Variants in DDX39A observed in about 807,000 individuals in gnomAD.
DDX39A encodes DExD-box helicase 39A, also known as ATP-dependent RNA helicase DDX39A.
DDX39A carries 13 observed loss-of-function variants against 46.3 expected under a neutral mutation model. The ratio of observed to expected loss-of-function variants is 0.28; its 90% confidence interval spans 0.18 to 0.45. The LOEUF is 0.45. DDX39A is among the 20% of genes least tolerant of loss of function. DDX39A has a pLI of 1.00. For missense variants in DDX39A, 352 were observed against 581.8 expected, an observed-to-expected ratio of 0.61 and a Z score of 4.06; for synonymous variants, 234 against 224.6, an observed-to-expected ratio of 1.04 and a Z score of -0.38.
At chr19:14,418,810 A>C in intron 1 of DDX39A, 2 of 416,814 alleles carry the variant, frequency 4.8e-6, no homozygotes, top group South Asian at 3.4e-5. Flanking sequence ...CGAATCCCGT[A>C]AAAAGTAGAC....
At chr19:14,414,402 C>T (rs1976722913) in intron 1 of DDX39A, among the ~76,000 whole-genome samples, 1 of 148,928 alleles carries the variant, frequency 6.7e-6, no homozygotes, top group African/African-American at 2.4e-5. Flanking sequence ...ACCCAGGCTG[C>T]AGTGCAGTGG....
At chr19:14,418,934 C>G (rs922769620) in intron 1 of DDX39A, 1 of 456,174 alleles carries the variant, frequency 2.2e-6, no homozygotes, top group African/African-American at 2.0e-5. Context: ...GTCACCCCCT[C>G]GTCCCTCTCC....
At position 14,410,400 on chromosome 19, in the gene DDX39A, C is replaced by T; in HGVS notation, c.614-66G>A. On this transcript the variant is annotated intron_variant, in intron 5 of 10. Transcript: ENST00000242776. The surrounding 1 kb of genome is among the most constrained non-coding windows in gnomAD (Gnocchi z 4.3). ...GCCATGCAGGACCCCCACCCCAGAC[C>T]AGACCCAGACCCCTCCCAACCTGTG... 2 of 1,375,542 alleles carry T rather than the reference C, an allele frequency of 1.5e-6. No homozygotes were observed. The highest frequency in any genetic ancestry group is 2.1e-6 in the Non-Finnish European group (2 of 968,590). 85.2% of individuals were successfully genotyped at this position (1,375,542 alleles called of 1,614,324 possible).
rs1189364520 is a variant in DDX39A, at chr19:14,409,018, C to T, written c.1267+19G>A. On this transcript the variant is annotated intron_variant, in intron 10 of 10. Coordinates refer to ENST00000242776, the MANE Select transcript of DDX39A (RefSeq NM_005804.4). This position sits in a 1 kb window ranked among gnomAD's most constrained non-coding sequence, Gnocchi z 8.3. ...GGAACCCTCTGCCCCAGACCCCTGG[C>T]CCTGCCCAAGGCACTTACTGTATGT... 5.6e-6 allele frequency: 9 copies of T among 1,613,960 alleles called. No homozygotes were observed. Among genetic ancestry groups the T allele is most frequent in the Non-Finnish European group, 7.6e-6 (9 of 1,179,980 alleles).
chr19:14,413,670 C>A (rs1001427569), intron 1 of DDX39A, among the ~76,000 whole-genome samples: 1 of 152,230 alleles, frequency 6.6e-6, no homozygotes, highest in Non-Finnish European at 1.5e-5. Context: ...CACACGCAAG[C>A]CTCAGCTCCA....
At chr19:14,415,224 T>C (rs2420543) in intron 1 of DDX39A, among the ~76,000 whole-genome samples, 146,123 of 152,192 alleles carry the variant, frequency 0.96, 70,196 homozygotes, top group East Asian at 1. Context: ...TGAAATCTTA[T>C]AATTTGTGAC....
At position 14,410,177 on chromosome 19, in the gene DDX39A, C is replaced by T; in HGVS notation, c.732+39G>A. On this transcript the variant is annotated intron_variant, in intron 6 of 10. Transcript: ENST00000242776. This position sits in a 1 kb window ranked among gnomAD's most constrained non-coding sequence, Gnocchi z 4.3. ...GTCCTGGGGCCCCAGGCTCCAGGCCCCTGGGGAAGGCCAAAGCTGCCACTC... is the reference window on the plus strand; with the variant it reads ...GTCCTGGGGCCCCAGGCTCCAGGCCTCTGGGGAAGGCCAAAGCTGCCACTC... 6.3e-7 allele frequency: 1 copy of T among 1,589,332 alleles called. No individual in the cohort carries two copies. The highest frequency in any genetic ancestry group is 8.6e-7 in the Non-Finnish European group (1 of 1,158,412).
rs762121715 is a variant in DDX39A, at chr19:14,411,049, T to C, written c.553A>G (p.Ser185Gly). The C allele has an allele frequency of 3.7e-6, 6 of 1,611,936 alleles. No individual in the cohort carries two copies. Among genetic ancestry groups the C allele is most frequent in the Admixed American group, 3.4e-5 (2 of 59,476 alleles). ...ACAAAGTGCTTCACATTCTTTAGGC[T>C]GAAGCTCCTATTCCGCACGAGCGCC... ...ILALVRNRSFSLKNVKHFVLD... is the reference protein window; with the variant it reads ...ILALVRNRSFGLKNVKHFVLD... The change falls in exon 5 of 11, where the codon AGC becomes GGC. Residue 185 changes from serine (S) to glycine (G), a missense_variant. Coordinates refer to ENST00000242776, the MANE Select transcript of DDX39A (RefSeq NM_005804.4). The surrounding 1 kb of genome is among the most constrained non-coding windows in gnomAD (Gnocchi z 4.1).
In DDX39A at chr19:14,413,230, A is replaced by G. The variant is rs1568328370; in HGVS notation, c.-4-6T>C. ...CATCCTGTTCTGCCATGATGCTGAG[A>G]AGAGAGAGAGGCAGGGTCCCGCGAG... On this transcript the variant is annotated splice_region_variant and splice_polypyrimidine_tract_variant and intron_variant, in intron 1 of 10. Coordinates refer to ENST00000242776, the MANE Select transcript of DDX39A (RefSeq NM_005804.4). The G allele has an allele frequency of 2.5e-6, 4 of 1,612,404 alleles. No homozygotes were observed. Among genetic ancestry groups the G allele is most frequent in the East Asian group, 2.2e-5 (1 of 44,864 alleles).
intron 1 of DDX39A, among the ~76,000 whole-genome samples, chr19:14,417,412 G>C (rs1456144047): frequency 2.0e-5 from 3 of 148,800 alleles, no homozygotes; most frequent in Non-Finnish European, 4.4e-5. Flanking sequence ...CTTGAGCCCA[G>C]GAGTTCGAGA....
Position 14,412,583 on chromosome 19 carries a change from T to A in DDX39A, c.304A>T (p.Thr102Ser). 1 of 1,610,274 alleles carries A rather than the reference T, an allele frequency of 6.2e-7. No homozygotes were observed. The highest frequency in any genetic ancestry group is 8.5e-7 in the Non-Finnish European group (1 of 1,179,942). The change falls in exon 3 of 11, where the codon ACC becomes TCC. Residue 102 changes from threonine to serine, a missense_variant. Around this residue, in one of 3 missense-constraint regions of DDX39A, gnomAD observed 301 missense variants for 469.9 expected, o/e 0.64. Transcript: ENST00000242776. This position sits in a 1 kb window ranked among gnomAD's most constrained non-coding sequence, Gnocchi z 4.4. ...TTGACAGGCTCAATCTGCTGTAGGGTGGCCAGCACGAAGACCGCTGTCTTG... is the reference window on the plus strand; with the variant it reads ...TTGACAGGCTCAATCTGCTGTAGGGAGGCCAGCACGAAGACCGCTGTCTTG... ...MGKTAVFVLA[T>S]LQQIEPVNGQ...
At chr19:14,416,558 G>A (rs78634707) in intron 1 of DDX39A, among the ~76,000 whole-genome samples, 2,390 of 152,310 alleles carry the variant, frequency 0.016, 66 homozygotes, top group African/African-American at 0.054. Flanking sequence ...GAAAACAGGA[G>A]CCAAGAAAGG....
Position 14,412,476 on chromosome 19 carries a change from G to A in DDX39A, c.336+75C>T, listed in dbSNP as rs762798578. On this transcript the variant is annotated intron_variant, in intron 3 of 10. Transcript: ENST00000242776. This position sits in a 1 kb window ranked among gnomAD's most constrained non-coding sequence, Gnocchi z 4.4. ...CCCAAAGCACTGGGCTAACAGGTGT[G>A]AGCCACCCCATCCAGCCTACTCTAC... is the stretch of plus-strand genomic sequence containing the variant. The A allele has an allele frequency of 3.2e-6, 5 of 1,543,550 alleles. No individual in the cohort carries two copies. Among genetic ancestry groups the A allele is most frequent in the Non-Finnish European group, 4.4e-6 (5 of 1,148,012 alleles).
At chr19:14,418,120 CAAAAAAAAAAA>C (rs60701169) in intron 1 of DDX39A, among the ~76,000 whole-genome samples, 1 of 52,350 alleles carries the variant, frequency 1.9e-5, no homozygotes, top group Non-Finnish European at 4.0e-5. Context: ...GGCTCTGTCT[CAAAAAAAAAAA>C]AAAAAAAAAA....
chr19:14,410,243 C>T lies in DDX39A; in HGVS notation c.705G>A (p.Arg235=), dbSNP rs1321594844. The change falls in exon 6 of 11, where the codon CGG becomes CGA. Residue 235 remains arginine, a synonymous_variant. Coordinates refer to ENST00000242776, the MANE Select transcript of DDX39A (RefSeq NM_005804.4). The surrounding 1 kb of genome is among the most constrained non-coding windows in gnomAD (Gnocchi z 4.3). ...MFSATLSKDI[R]PVCRKFMQDP... ...CCTGCATGAACTTCCTGCACACAGG[C>T]CGGATGTCCTTGCTCAGGGTGGCGC... 2 of 1,614,156 alleles carry T rather than the reference C, an allele frequency of 1.2e-6. No individual in the cohort carries two copies. The highest frequency in any genetic ancestry group is 1.1e-5 in the South Asian group (1 of 91,084).
At chr19:14,418,866 A>C in intron 1 of DDX39A, 1 of 455,562 alleles carries the variant, frequency 2.2e-6, no homozygotes, top group Admixed American at 2.4e-5. Flanking sequence ...CTCGGACCCA[A>C]AGAAACCCCT....
In DDX39A at chr19:14,409,916, C is replaced by T. The variant is rs755445718; in HGVS notation, c.733-43G>A. On this transcript the variant is annotated intron_variant, in intron 6 of 10. Transcript: ENST00000242776. The surrounding 1 kb of genome is among the most constrained non-coding windows in gnomAD (Gnocchi z 8.3). ...TGGGAGGGGCGGGCAGGGATCACCT[C>T]TGGGCATCTCGCCTGCCCAGAACCT... The T allele has an allele frequency of 6.3e-5, 101 of 1,610,436 alleles. No individual in the cohort carries two copies. The highest frequency in any genetic ancestry group is 1.6e-4 in the Middle Eastern group (1 of 6,084).
At chr19:14,414,358 A>G in intron 1 of DDX39A, among the ~76,000 whole-genome samples, 1 of 144,094 alleles carries the variant, frequency 6.9e-6, no homozygotes, top group Non-Finnish European at 1.5e-5. Context: ...TATTATTATT[A>G]TTATTATTAT....
chr19:14,410,125 C>T lies in DDX39A; in HGVS notation c.732+91G>A, dbSNP rs1330681122. On this transcript the variant is annotated intron_variant, in intron 6 of 10. Coordinates refer to ENST00000242776, the MANE Select transcript of DDX39A (RefSeq NM_005804.4). The surrounding 1 kb of genome is among the most constrained non-coding windows in gnomAD (Gnocchi z 4.3). ...CCGCCGGCTCCCAGCATCCCAGCAT[C>T]CTCCGTGCCATGTGGGCCGTGCGGG... The T allele has an allele frequency of 1.6e-6, 2 of 1,232,716 alleles. No individual in the cohort carries two copies. The highest frequency in any genetic ancestry group is 1.7e-5 in the Admixed American group (1 of 58,872). 76.4% of individuals were successfully genotyped at this position (1,232,716 alleles called of 1,614,324 possible).
Sources: gnomAD v4.1 joint callset for allele counts (sites outside exome capture counted in the v4.1 genomes callset) on GRCh38, gnomAD v4.1.1 for gene constraint, gnomAD v4.1.1 regional missense constraint, Gnocchi (gnomAD v3.1) non-coding constraint, MANE v1.5 for transcripts, NCBI Gene and HGNC (gene_info 2026-07-23, HGNC 2026-07-21) for gene names.